The following STIM1 variants were observed in gnomAD, a reference collection of about 807,000 sequenced individuals.
STIM1 encodes the protein stromal interaction molecule 1.
STIM1 carries 25 observed loss-of-function variants against 74.7 expected under a neutral mutation model. The ratio of observed to expected loss-of-function variants is 0.33; its 90% CI spans 0.24 to 0.47. The LOEUF (loss-of-function observed/expected upper bound fraction) is 0.47, where lower values mean the gene tolerates loss of function less well. Among genes scored for constraint, STIM1 ranks in the 20% least tolerant of loss-of-function variants. The pLI, the probability that STIM1 is intolerant of heterozygous loss-of-function variation, is 1.00. For synonymous variants in STIM1, 328 were observed against 348.8 expected (o/e 0.94, Z 0.66); for missense variants, 728 against 920.8 (o/e 0.79, Z 2.71).
chr11:3,958,949 C>T (rs2959063), intron 1 of STIM1, among the ~76,000 whole-genome samples: 1 of 119,744 alleles, frequency 8.4e-6, no homozygotes, highest in Non-Finnish European at 1.8e-5. Context: ...AAAACTCTGT[C>T]TAAAAAAAAA....
chr11:4,033,274 T>C (rs1218700497), intron 3 of STIM1, among the ~76,000 whole-genome samples: 1 of 152,190 alleles, frequency 6.6e-6, no homozygotes, highest in Non-Finnish European at 1.5e-5. Flanking sequence ...TGTAGTATAG[T>C]TTGAAGTCAG....
intron 1 of STIM1, among the ~76,000 whole-genome samples, chr11:3,944,314 G>C (rs56126231): frequency 0.031 from 4,650 of 152,288 alleles, 182 homozygotes; most frequent in East Asian, 0.18. Context: ...GCTGATGGAG[G>C]GGAATGTTTC....
intron 1 of STIM1, among the ~76,000 whole-genome samples, chr11:3,948,776 C>A (rs2093109948): frequency 6.6e-6 from 1 of 152,212 alleles, no homozygotes; most frequent in Admixed American, 6.5e-5. Flanking sequence ...CTCTAAATCT[C>A]CAGTTCTACC....
chr11:3,980,780 C>T (rs1259916552), intron 2 of STIM1, among the ~76,000 whole-genome samples: 3 of 152,032 alleles, frequency 2.0e-5, no homozygotes, highest in Non-Finnish European at 2.9e-5. Context: ...TATTTTGGGC[C>T]AGATAGTTCT....
chr11:3,939,281 G>C (rs2135594665), intron 1 of STIM1, among the ~76,000 whole-genome samples: 1 of 152,296 alleles, frequency 6.6e-6, no homozygotes, highest in Non-Finnish European at 1.5e-5. Context: ...TTCTGGCTCT[G>C]AGATTCTGTG....
chr11:4,088,185 G>A (rs898906482), intron 12 of STIM1, among the ~76,000 whole-genome samples: 1 of 152,194 alleles, frequency 6.6e-6, no homozygotes, highest in Admixed American at 6.5e-5. Context: ...ACCCAAGATG[G>A]TAGACTAGAA....
At chr11:3,935,722 A>G (rs1020266168) in intron 1 of STIM1, among the ~76,000 whole-genome samples, 1 of 151,442 alleles carries the variant, frequency 6.6e-6, no homozygotes. Flanking sequence ...TAACTATGGT[A>G]TTTTATCTGG....
chr11:4,064,850 C>A (rs756344620), intron 5 of STIM1, among the ~76,000 whole-genome samples: 6 of 152,170 alleles, frequency 3.9e-5, no homozygotes, highest in African/African-American at 7.2e-5. Context: ...ACAGGCCCAT[C>A]TAGGGCTCGC....
rs1214690521 is a variant in STIM1, at chr11:3,941,696, A to AGAGAGAGAGAGAGAGTGT, written c.140-25855_140-25854insAGAGAGAGAGAGAGTGTG. On this transcript the variant is annotated intron_variant, in intron 1 of 12. Coordinates refer to ENST00000526596, the MANE Select transcript of STIM1 (RefSeq NM_001382567.1). ...TATAGAGAGAGAGAGAGAGAGAGAG[A>AGAGAGAGAGAGAGAGTGT]GTGTGTGTGTGTCTCAGTGTCACTG... is the stretch of plus-strand genomic sequence containing the variant. Among the ~76,000 whole-genome samples, 502 of 141,470 alleles carry AGAGAGAGAGAGAGAGTGT rather than the reference A, an allele frequency of 3.5e-3. 6 individuals carry two copies. Among genetic ancestry groups the AGAGAGAGAGAGAGAGTGT allele is most frequent in the East Asian group, 0.012 (56 of 4,582 alleles). 92.8% of individuals were successfully genotyped at this position (141,470 alleles called of 152,430 possible).
In STIM1 at chr11:3,855,724, C is replaced by G. The variant is rs1257085204; in HGVS notation, c.-547C>G. On this transcript the variant is annotated 5_prime_UTR_variant, in exon 1 of 13. Coordinates refer to ENST00000526596, the MANE Select transcript of STIM1 (RefSeq NM_001382567.1). ...CCTGCTGGACCTGGGCACCGCCAGCCGCCTGGGCACGGGACTGGGCGGGGG... is the reference window on the plus strand; with the variant it reads ...CCTGCTGGACCTGGGCACCGCCAGCGGCCTGGGCACGGGACTGGGCGGGGG... 1 of 152,832 alleles carries G rather than the reference C, an allele frequency of 6.5e-6. No homozygotes were observed. Among genetic ancestry groups the G allele is most frequent in the Non-Finnish European group, 1.5e-5 (1 of 68,502 alleles). The allele number at this position is 152,832 out of a possible 1,614,324, so 9.5% of individuals were successfully genotyped here.
chr11:3,886,942 G>T (rs1490227044), intron 1 of STIM1, among the ~76,000 whole-genome samples: 1 of 151,852 alleles, frequency 6.6e-6, no homozygotes, highest in African/African-American at 2.4e-5. Context: ...GGCGGAGGTT[G>T]CAGTGAGCCG....
chr11:4,063,785 A>C (rs75374147), intron 5 of STIM1, among the ~76,000 whole-genome samples: 39 of 152,228 alleles, frequency 2.6e-4, no homozygotes, highest in Non-Finnish European at 4.4e-4. Context: ...TCACTGTGTG[A>C]CCTTGGGTAG....
At chr11:3,919,700 T>C (rs2092693881) in intron 1 of STIM1, among the ~76,000 whole-genome samples, 1 of 152,262 alleles carries the variant, frequency 6.6e-6, no homozygotes, top group East Asian at 1.9e-4. Flanking sequence ...GTATTATAAA[T>C]TGAGTGAGGA....
rs148692646 is a variant in STIM1 at position 3,946,879 on chromosome 11, A to G, written c.140-20673A>G. ...ACTGTGTGACTGTGTGACATTGGGC[A>G]TAGCCCTTTCCCTCTCTGTGTCTCA... On this transcript the variant is annotated intron_variant, in intron 1 of 12. Coordinates refer to ENST00000526596, the MANE Select transcript of STIM1 (RefSeq NM_001382567.1). Among the ~76,000 whole-genome samples, 581 of 152,336 alleles carry G rather than the reference A, an allele frequency of 3.8e-3. 3 individuals carry two copies. The highest frequency in any genetic ancestry group is 0.013 in the African/African-American group (546 of 41,570).
In STIM1 at chr11:3,992,721, C is replaced by T. The variant is rs941945792; in HGVS notation, c.270+25039C>T. Among the ~76,000 whole-genome samples the T allele has an allele frequency of 2.0e-5, 3 of 152,158 alleles. No individual in the cohort carries two copies. In the East Asian group the frequency reaches 5.8e-4, roughly 29 times the overall value. On this transcript the variant is annotated intron_variant, in intron 2 of 12. Coordinates refer to ENST00000526596, the MANE Select transcript of STIM1 (RefSeq NM_001382567.1). Reference sequence around the variant, plus strand: ...AATCCAAGGTCGTGATGACTTACCCCTGTGTTTTCTTCTAAGAGTTTTAAA... The same window carrying T: ...AATCCAAGGTCGTGATGACTTACCCTTGTGTTTTCTTCTAAGAGTTTTAAA...
intron 1 of STIM1, among the ~76,000 whole-genome samples, chr11:3,882,566 A>C (rs1414247712): frequency 2.0e-5 from 3 of 152,204 alleles, no homozygotes; most frequent in Non-Finnish European, 4.4e-5. Flanking sequence ...CCAAACCTAC[A>C]CATCCTGCAT....
At chr11:3,885,433 T>C (rs998115363) in intron 1 of STIM1, among the ~76,000 whole-genome samples, 17 of 152,144 alleles carry the variant, frequency 1.1e-4, no homozygotes, top group African/African-American at 4.1e-4. Context: ...GTGATCTGCC[T>C]GCCTTGGCCT....
intron 7 of STIM1, among the ~76,000 whole-genome samples, chr11:4,076,756 T>G (rs2094439901): frequency 6.6e-6 from 1 of 151,296 alleles, no homozygotes; most frequent in Admixed American, 6.6e-5. Context: ...GTCAAAAAGT[T>G]TTCTAATTTT....
chr11:4,025,635 T>C (rs1371155234), intron 3 of STIM1, among the ~76,000 whole-genome samples: 1 of 152,212 alleles, frequency 6.6e-6, no homozygotes, highest in Non-Finnish European at 1.5e-5. Context: ...GAATTAAAGA[T>C]GGCAGGGAGA....
Sources: allele counts gnomAD v4.1 joint callset (sites outside exome capture counted in the v4.1 genomes callset), GRCh38; gene constraint gnomAD v4.1.1; transcripts MANE v1.5; gene names NCBI Gene and HGNC (gene_info 2026-07-23, HGNC 2026-07-21).